C7: variants seen among roughly 807,000 people sequenced by gnomAD.
The protein encoded by C7 is complement C7, also known as complement component C7.
In C7, 83 loss-of-function variants were observed where a neutral mutation model predicts 104.8. That is an observed-to-expected ratio of 0.79 (90% CI 0.66 to 0.95). C7 has a LOEUF of 0.95. Ranked by LOEUF, C7 falls within the 40% of genes least tolerant of loss-of-function variation. C7 has a pLI of 0.00. For missense variants in C7, 1,070 were observed against 1,011.2 expected, an observed-to-expected ratio of 1.06 and a Z score of -0.79; for synonymous variants, 415 against 360.6, an observed-to-expected ratio of 1.15 and a Z score of -1.71.
intron 2 of C7, among the ~76,000 whole-genome samples, 152 bp from the exon 3 acceptor site, chr5:40,930,912 C>T (rs1335295090): frequency 6.6e-6 from 1 of 152,082 alleles, no homozygotes; most frequent in Non-Finnish European, 1.5e-5. Flanking sequence ...GGGGCTCCCT[C>T]CATTTTTATA....
At chr5:40,970,123 A>T (rs1740667279) in intron 14 of C7, among the ~76,000 whole-genome samples, 1 of 152,102 alleles carries the variant, frequency 6.6e-6, no homozygotes, top group South Asian at 2.1e-4. Context: ...AGTGCTGTGG[A>T]TTTTTGTATA....
chr5:40,966,862 ATC>A lies in C7; in HGVS notation c.1882+2003_1882+2004del, dbSNP rs140655148. ...GATGGGCATTGTCTTTTACTTATTAATCTCTCTCTCTCTCTTTCTCTTGGAAT... is the reference window on the plus strand; with the variant it reads ...GATGGGCATTGTCTTTTACTTATTAATCTCTCTCTCTCTTTCTCTTGGAAT... On this transcript the variant is annotated intron_variant, in intron 14 of 17. Transcript: ENST00000313164. 5.9e-3 allele frequency among the ~76,000 whole-genome samples: 892 copies of A among 151,176 alleles called. 7 individuals carry two copies. Among genetic ancestry groups the A allele is most frequent in the African/African-American group, 0.019 (801 of 41,314 alleles).
chr5:40,928,659 TA>T, intron 2 of C7, 24 bp downstream of exon 2: 1 of 1,415,362 alleles, frequency 7.1e-7, no homozygotes, highest in Non-Finnish European at 9.7e-7. Context: ...GGGTTGTGTG[TA>T]AAAATCATTA....
intron 3 of C7, among the ~76,000 whole-genome samples, chr5:40,933,358 C>T (rs1177365667): frequency 6.6e-6 from 1 of 152,058 alleles, no homozygotes; most frequent in African/African-American, 2.4e-5. Context: ...GTTTTGGTTC[C>T]GTTTTGTTTG....
chr5:40,950,453 A>G (rs1740145043), intron 9 of C7, among the ~76,000 whole-genome samples: 2 of 152,026 alleles, frequency 1.3e-5, no homozygotes, highest in Admixed American at 6.6e-5. Flanking sequence ...TTTATCATTG[A>G]TGGGCATTTA....
intron 1 of C7, among the ~76,000 whole-genome samples, chr5:40,917,797 G>A (rs1224348736): frequency 6.6e-6 from 1 of 152,026 alleles, no homozygotes; most frequent in African/African-American, 2.4e-5. Context: ...CACAAATCTT[G>A]ACTTGTACAA....
At chr5:40,960,208 T>C (rs1247264404) in intron 12 of C7, among the ~76,000 whole-genome samples, 1 of 152,218 alleles carries the variant, frequency 6.6e-6, no homozygotes, top group Non-Finnish European at 1.5e-5. Flanking sequence ...GCTCAGTTGA[T>C]GAATCATAGC....
At chr5:40,934,263 A>G in intron 3 of C7, 62 bp from the exon 4 acceptor site, 1 of 1,414,912 alleles carries the variant, frequency 7.1e-7, no homozygotes. Context: ...GATAAAGGAA[A>G]CTAGAGATTT....
intron 1 of C7, among the ~76,000 whole-genome samples, chr5:40,913,511 G>A (rs1739255225): frequency 6.6e-6 from 1 of 151,920 alleles, no homozygotes; most frequent in South Asian, 2.1e-4. Flanking sequence ...CATTTTTAAA[G>A]AGAGATGGTG....
intron 12 of C7, among the ~76,000 whole-genome samples, chr5:40,960,484 G>T (rs1740399777): frequency 6.6e-6 from 1 of 152,148 alleles, no homozygotes; most frequent in Admixed American, 6.5e-5. Flanking sequence ...GCAAGCATGT[G>T]AACTATGGTG....
chr5:40,914,378 C>A (rs1739274500), intron 1 of C7, among the ~76,000 whole-genome samples: 1 of 152,128 alleles, frequency 6.6e-6, no homozygotes, highest in African/African-American at 2.4e-5. Flanking sequence ...CTGTCAGATG[C>A]ATAATTTGCA....
Position 40,944,086 on chromosome 5 carries a change from G to C in C7, c.568-1112G>C, listed in dbSNP as rs562140066. On this transcript the variant is annotated intron_variant, in intron 6 of 17. Coordinates refer to ENST00000313164, the MANE Select transcript of C7 (RefSeq NM_000587.4). ...AATATTGTCATTTTCTTTCCTTTTA[G>C]TTTTCAAAAAAGTATATCATTTCCA... Among the ~76,000 whole-genome samples the C allele has an allele frequency of 2.0e-4, 31 of 152,102 alleles. 1 individual carries two copies. The highest frequency in any genetic ancestry group is 5.8e-4 in the African/African-American group (24 of 41,500).
At chr5:40,956,139 G>A (rs889819361) in intron 10 of C7, among the ~76,000 whole-genome samples, 1 of 152,174 alleles carries the variant, frequency 6.6e-6, no homozygotes, top group Non-Finnish European at 1.5e-5. Context: ...ATTTTCATCT[G>A]TCACACTCAT....
intron 14 of C7, among the ~76,000 whole-genome samples, chr5:40,970,056 A>G (rs1421751415): frequency 6.6e-6 from 1 of 152,094 alleles, no homozygotes; most frequent in African/African-American, 2.4e-5. Flanking sequence ...TGTGACTTGT[A>G]CTTTGCTGTG....
At chr5:40,962,401 T>G (rs1389227836) in intron 13 of C7, among the ~76,000 whole-genome samples, 1 of 152,192 alleles carries the variant, frequency 6.6e-6, no homozygotes, top group South Asian at 2.1e-4. Flanking sequence ...AAATCAACAC[T>G]GCCACCCAGT....
At position 40,984,607 on chromosome 5, in the gene C7, C is replaced by G. The variant is rs1407504719; in HGVS notation, c.*3034C>G. ...ATTAGTAATCACTTTTTCTTTCGGTCAAGGTATGTGTATTAATCAATATTT... is the reference window on the plus strand; with the variant it reads ...ATTAGTAATCACTTTTTCTTTCGGTGAAGGTATGTGTATTAATCAATATTT... On this transcript the variant is annotated 3_prime_UTR_variant, in exon 18 of 18. Coordinates refer to ENST00000313164, the MANE Select transcript of C7 (RefSeq NM_000587.4). 6.6e-6 allele frequency among the ~76,000 whole-genome samples: 1 copy of G among 152,172 alleles called. No homozygotes were observed. The highest frequency in any genetic ancestry group is 1.5e-5 in the Non-Finnish European group (1 of 68,028).
intron 14 of C7, among the ~76,000 whole-genome samples, chr5:40,970,176 T>C (rs1579873601): frequency 6.6e-6 from 1 of 152,192 alleles, no homozygotes; most frequent in African/African-American, 2.4e-5. Flanking sequence ...CTGATATATC[T>C]CATTGTGATG....
chr5:40,928,732 T>G, intron 2 of C7, 97 bp downstream of exon 2: 1 of 668,774 alleles, frequency 1.5e-6, no homozygotes. Context: ...TGAATCTGTG[T>G]ATCCCTCCAA....
chr5:40,952,478 T>TTTTATTTATTTATTTA (rs147016821), intron 9 of C7, among the ~76,000 whole-genome samples: 4,263 of 149,266 alleles, frequency 0.029, 71 homozygotes, highest in Middle Eastern at 0.048. Context: ...CTGTAATTCT[T>TTTTATTTATTTATTTA]TTTATTTATT....
Sources: gnomAD v4.1 joint callset for allele counts (sites outside exome capture counted in the v4.1 genomes callset) on GRCh38, gnomAD v4.1.1 for gene constraint, MANE v1.5 for transcripts, NCBI Gene and HGNC (gene_info 2026-07-23, HGNC 2026-07-21) for gene names.